Variants in MTUS2 observed in about 807,000 individuals in gnomAD.
MTUS2 encodes the protein microtubule associated scaffold protein 2.
Under a neutral mutation model 114.1 loss-of-function variants are expected in MTUS2, and 40 were observed. The observed-to-expected ratio is 0.35, with a 90% CI of 0.27 to 0.46. The LOEUF is 0.46. Among genes scored for constraint, MTUS2 ranks in the 20% least tolerant of loss-of-function variants. The pLI is 1.00. For synonymous variants in MTUS2, 688 were observed against 672.0 expected (o/e 1.02, Z -0.37); for missense variants, 1,679 against 1,705.4 (o/e 0.98, Z 0.27).
intron 5 of MTUS2, among the ~76,000 whole-genome samples, chr13:29,183,220 C>A (rs1223130815): frequency 2.0e-5 from 3 of 151,564 alleles, no homozygotes; most frequent in Non-Finnish European, 4.4e-5. Context: ...GGAGTCAGTG[C>A]CAACAGGATG....
At chr13:28,974,483 T>G (rs549445005) in intron 2 of MTUS2, among the ~76,000 whole-genome samples, 13 of 152,314 alleles carry the variant, frequency 8.5e-5, no homozygotes, top group Admixed American at 6.5e-4. Flanking sequence ...GTTGATTCCT[T>G]ATGACCTAAT....
At chr13:29,346,687 TC>T (rs1868728634) in intron 7 of MTUS2, among the ~76,000 whole-genome samples, 1 of 141,792 alleles carries the variant, frequency 7.1e-6, no homozygotes, top group Admixed American at 6.9e-5. Flanking sequence ...CCAGACTCTG[TC>T]CAGGAAACTG....
chr13:29,012,176 G>T (rs376198846), intron 2 of MTUS2, among the ~76,000 whole-genome samples: 1 of 152,172 alleles, frequency 6.6e-6, no homozygotes, highest in Admixed American at 6.5e-5. Flanking sequence ...AGTCAAGGAC[G>T]TGCAGCTCAA....
intron 8 of MTUS2, among the ~76,000 whole-genome samples, chr13:29,404,818 G>T (rs921933272): frequency 9.2e-5 from 14 of 152,306 alleles, no homozygotes; most frequent in African/African-American, 3.1e-4. Flanking sequence ...CCAGAAAGAA[G>T]ATAGGCTCTA....
At chr13:29,487,114 G>A (rs1478083664) in intron 10 of MTUS2, among the ~76,000 whole-genome samples, 1 of 152,214 alleles carries the variant, frequency 6.6e-6, no homozygotes, top group African/African-American at 2.4e-5. Context: ...GCCCTTCCCA[G>A]GAGCACCACA....
intron 8 of MTUS2, among the ~76,000 whole-genome samples, chr13:29,419,509 G>A (rs1875924628): frequency 1.3e-5 from 2 of 152,200 alleles, no homozygotes; most frequent in African/African-American, 2.4e-5. Context: ...TCTTCCACTG[G>A]CAGAGAACAC....
At position 29,324,729 on chromosome 13, in the gene MTUS2, T is replaced by A; in HGVS notation, c.2905+18T>A. Reference sequence around the variant, plus strand: ...TTCACCAGGTATGTAAGAAATATGATGTGTTCCTTGGGGGAATGACTTGAA... The same window carrying A: ...TTCACCAGGTATGTAAGAAATATGAAGTGTTCCTTGGGGGAATGACTTGAA... On this transcript the variant is annotated intron_variant, in intron 7 of 15. Coordinates refer to ENST00000612955, the MANE Select transcript of MTUS2 (RefSeq NM_001033602.4). The A allele has an allele frequency of 6.4e-7, 1 of 1,565,710 alleles. No homozygotes were observed.
intron 14 of MTUS2, among the ~76,000 whole-genome samples, chr13:29,499,334 A>G (rs1388032256): frequency 3.3e-5 from 5 of 152,182 alleles, no homozygotes; most frequent in African/African-American, 1.2e-4. Flanking sequence ...GTCCCAGAAA[A>G]GTGTGCAAAG....
intron 2 of MTUS2, among the ~76,000 whole-genome samples, chr13:29,008,040 C>T (rs949031528): frequency 1.3e-5 from 2 of 152,206 alleles, no homozygotes; most frequent in Non-Finnish European, 2.9e-5. Flanking sequence ...ACATCCCCCC[C>T]ACTGGAGTTA....
At chr13:28,912,977 T>C (rs1880535777) in intron 2 of MTUS2, among the ~76,000 whole-genome samples, 3 of 152,218 alleles carry the variant, frequency 2.0e-5, no homozygotes, top group Admixed American at 1.3e-4. Context: ...CCTGAGACTT[T>C]GCTGAAGTTG....
chr13:29,338,727 A>G (rs9508370), intron 7 of MTUS2, among the ~76,000 whole-genome samples: 29,718 of 152,128 alleles, frequency 0.2, 3,011 homozygotes, highest in Non-Finnish European at 0.23. Flanking sequence ...TTGCTTAAGG[A>G]TTTGCAACTG....
At chr13:28,831,767 A>AT (rs1874697730) in intron 1 of MTUS2, among the ~76,000 whole-genome samples, 1 of 132,554 alleles carries the variant, frequency 7.5e-6, no homozygotes, top group Non-Finnish European at 1.6e-5. Context: ...TTTATTTATT[A>AT]TTTTTTTGAG....
At chr13:28,958,101 A>G (rs112071348) in intron 2 of MTUS2, among the ~76,000 whole-genome samples, 3 of 152,346 alleles carry the variant, frequency 2.0e-5, no homozygotes, top group African/African-American at 7.2e-5. Context: ...GTGCTCTAAC[A>G]GTAATAAAGT....
At chr13:29,249,252 G>A (rs1252455941) in intron 5 of MTUS2, among the ~76,000 whole-genome samples, 2 of 152,092 alleles carry the variant, frequency 1.3e-5, no homozygotes, top group Admixed American at 6.6e-5. Flanking sequence ...GCCTCCCAAA[G>A]TGCTAGGATT....
chr13:28,875,628 A>G (rs1877885562), intron 2 of MTUS2, among the ~76,000 whole-genome samples: 1 of 152,222 alleles, frequency 6.6e-6, no homozygotes, highest in Non-Finnish European at 1.5e-5. Flanking sequence ...GCCTCTTCCC[A>G]GGGAGAAAGT....
chr13:29,351,684 C>G (rs111688393), intron 7 of MTUS2, among the ~76,000 whole-genome samples: 6,218 of 151,948 alleles, frequency 0.041, 392 homozygotes, highest in African/African-American at 0.14. Flanking sequence ...CTCACTTCAG[C>G]CTTGACCTCC....
chr13:28,825,526 G>A (rs993318374), intron 1 of MTUS2, among the ~76,000 whole-genome samples: 4 of 152,114 alleles, frequency 2.6e-5, no homozygotes, highest in Admixed American at 6.5e-5. Flanking sequence ...GTCATTGACC[G>A]AGGCTCCTGC....
chr13:29,497,373 ACC>A, intron 13 of MTUS2, 37 bp downstream of exon 13: 1 of 1,571,800 alleles, frequency 6.4e-7, no homozygotes, highest in African/African-American at 1.4e-5. Context: ...CCCCGCAGGA[ACC>A]CCGCCCCAGC....
chr13:29,313,884 G>T (rs1233426088), intron 6 of MTUS2, among the ~76,000 whole-genome samples: 1 of 152,088 alleles, frequency 6.6e-6, no homozygotes, highest in Non-Finnish European at 1.5e-5. Context: ...AGCAACCCTG[G>T]AAGTTAAAAG....
Sources: allele counts gnomAD v4.1 joint callset (sites outside exome capture counted in the v4.1 genomes callset), GRCh38; gene constraint gnomAD v4.1.1; transcripts MANE v1.5; gene names NCBI Gene and HGNC (gene_info 2026-07-23, HGNC 2026-07-21).